Variants in TRPS1 observed in about 807,000 individuals in gnomAD.
TRPS1 encodes the protein transcriptional repressor GATA binding 1, also known as zinc finger transcription factor Trps1.
In TRPS1, 6 loss-of-function variants were observed where a neutral mutation model predicts 101.2. That is an observed-to-expected ratio of 0.06 (90% CI 0.03 to 0.12). The LOEUF is 0.12. TRPS1 is among the 10% of genes least tolerant of loss of function. The probability of loss-of-function intolerance (pLI) is 1.00; values close to 1 mark genes in which losing one functional copy is unlikely to be tolerated. For synonymous variants in TRPS1, 578 were observed against 589.8 expected, an observed-to-expected ratio of 0.98 and a Z score of 0.29; for missense variants, 1,363 against 1,567.0, an observed-to-expected ratio of 0.87 and a Z score of 2.20.
rs775507790 is a variant in TRPS1 at position 115,414,494 on chromosome 8, C to A, written c.3414G>T (p.Pro1138=). 3 of 1,613,698 alleles carry A rather than the reference C, an allele frequency of 1.9e-6. No homozygotes were observed. The highest frequency in any genetic ancestry group is 1.1e-5 in the South Asian group (1 of 91,082). ...GGCCAGGCACGTGACTCAAGTAGTG[C>A]GGATTCCCAGGAACGGAGAGCTTAT... is the stretch of plus-strand genomic sequence containing the variant. The part of the protein sequence containing the change: ...SKYKLSVPGN[P]HYLSHVPGLP... The change falls in exon 7 of 7, where the codon CCG becomes CCT. Residue 1138 remains proline (P), a synonymous_variant. Transcript: ENST00000395715. The surrounding 1 kb of genome is among the most constrained non-coding windows in gnomAD (Gnocchi z 4.8).
chr8:115,557,943 A>G (rs1563601788), intron 5 of TRPS1, among the ~76,000 whole-genome samples: 1 of 152,128 alleles, frequency 6.6e-6, no homozygotes, highest in Admixed American at 6.6e-5. Flanking sequence ...TAAGAGACAC[A>G]AAAACACTAC....
chr8:115,639,684 C>A (rs1482015877), intron 1 of TRPS1, among the ~76,000 whole-genome samples: 1 of 149,038 alleles, frequency 6.7e-6, no homozygotes, highest in Non-Finnish European at 1.5e-5. Context: ...AAAAAATTAA[C>A]CAGGCGTGGT....
At chr8:115,469,617 G>T (rs1814413616) in intron 5 of TRPS1, among the ~76,000 whole-genome samples, 2 of 151,576 alleles carry the variant, frequency 1.3e-5, no homozygotes, top group Admixed American at 1.3e-4. Context: ...TCCTGCCTCA[G>T]CCTCCCAAGT....
At chr8:115,437,274 C>T (rs555790236) in intron 5 of TRPS1, among the ~76,000 whole-genome samples, 2 of 152,278 alleles carry the variant, frequency 1.3e-5, no homozygotes, top group African/African-American at 4.8e-5. Flanking sequence ...CTTTAATGGG[C>T]ACAAAAAGCA....
intron 1 of TRPS1, among the ~76,000 whole-genome samples, chr8:115,657,560 A>T (rs1353032914): frequency 1.3e-5 from 2 of 152,160 alleles, no homozygotes; most frequent in Admixed American, 6.6e-5. Flanking sequence ...AATCTAAAAC[A>T]TACTGATGGT....
intron 3 of TRPS1, among the ~76,000 whole-genome samples, chr8:115,618,923 A>C (rs1214321501): frequency 2.6e-5 from 4 of 152,180 alleles, no homozygotes; most frequent in Non-Finnish European, 4.4e-5. Context: ...AAATGCTAGG[A>C]TTGTTTTCCA....
At chr8:115,535,738 C>CAT (rs1272145868) in intron 5 of TRPS1, among the ~76,000 whole-genome samples, 11 of 150,382 alleles carry the variant, frequency 7.3e-5, no homozygotes, top group South Asian at 2.1e-4. Flanking sequence ...TAAGTTTTTT[C>CAT]ATATATATAT....
chr8:115,537,362 A>C (rs1327731749), intron 5 of TRPS1, among the ~76,000 whole-genome samples: 1 of 152,202 alleles, frequency 6.6e-6, no homozygotes, highest in African/African-American at 2.4e-5. Flanking sequence ...AATGAGAATC[A>C]AATCTTAAAC....
At chr8:115,565,562 T>C (rs1817049605) in intron 5 of TRPS1, among the ~76,000 whole-genome samples, 4 of 151,930 alleles carry the variant, frequency 2.6e-5, no homozygotes, top group Admixed American at 2.6e-4. Context: ...TTGATAAGCG[T>C]GTGCTTTCAT....
In TRPS1 at chr8:115,409,710, G is replaced by A. The variant is rs749702910; in HGVS notation, c.*4313C>T. ...CGTCTTTCTTTGGGAAAATAACAAT[G>A]CCCTCCAAAGTCCCGACGGGCGTCC... On this transcript the variant is annotated 3_prime_UTR_variant, in exon 7 of 7. Transcript: ENST00000395715. 1 of 152,018 alleles carries A rather than the reference G, an allele frequency of 6.6e-6. No homozygotes were observed. The highest frequency in any genetic ancestry group is 1.5e-5 in the Non-Finnish European group (1 of 67,990). 9.4% of individuals were successfully genotyped at this position (152,018 alleles called of 1,614,324 possible).
chr8:115,427,545 T>G (rs1407519714), intron 5 of TRPS1, among the ~76,000 whole-genome samples: 1 of 152,096 alleles, frequency 6.6e-6, no homozygotes, highest in African/African-American at 2.4e-5. Flanking sequence ...AACTGCTGAA[T>G]AGTAGGGCTA....
At chr8:115,560,559 T>G (rs1218874526) in intron 5 of TRPS1, among the ~76,000 whole-genome samples, 1 of 152,166 alleles carries the variant, frequency 6.6e-6, no homozygotes, top group African/African-American at 2.4e-5. Context: ...TGAGAAAAGT[T>G]AAAAGAAACT....
intron 1 of TRPS1, among the ~76,000 whole-genome samples, chr8:115,647,355 A>T (rs1383987720): frequency 6.6e-6 from 1 of 152,202 alleles, no homozygotes; most frequent in Non-Finnish European, 1.5e-5. Context: ...AAGCTTGATG[A>T]TGTAAAGAAG....
chr8:115,505,373 T>C (rs950288927), intron 5 of TRPS1, among the ~76,000 whole-genome samples: 2 of 152,170 alleles, frequency 1.3e-5, no homozygotes, highest in Admixed American at 6.6e-5. Flanking sequence ...ACAGTGGTAA[T>C]ATTTTTAATA....
intron 5 of TRPS1, among the ~76,000 whole-genome samples, chr8:115,500,622 T>C (rs1726156342): frequency 6.6e-6 from 1 of 152,058 alleles, no homozygotes; most frequent in Non-Finnish European, 1.5e-5. Flanking sequence ...CAGGCTGGAG[T>C]ACTGTGCTGT....
chr8:115,578,983 G>A (rs920316659), intron 5 of TRPS1, among the ~76,000 whole-genome samples: 2 of 152,026 alleles, frequency 1.3e-5, no homozygotes, highest in Non-Finnish European at 2.9e-5. Flanking sequence ...TATGAGCAGG[G>A]ACTCTAGAAT....
chr8:115,478,563 G>T (rs1010109521), intron 5 of TRPS1, among the ~76,000 whole-genome samples: 1 of 152,058 alleles, frequency 6.6e-6, no homozygotes, highest in African/African-American at 2.4e-5. Context: ...CAGCACTTTG[G>T]GAGGTCGAGG....
chr8:115,583,347 T>A (rs1178175555), intron 5 of TRPS1, among the ~76,000 whole-genome samples: 1 of 149,112 alleles, frequency 6.7e-6, no homozygotes, highest in Non-Finnish European at 1.5e-5. Context: ...TTAAAATGAT[T>A]AAGAAACATC....
intron 5 of TRPS1, among the ~76,000 whole-genome samples, chr8:115,519,191 A>G (rs1330260136): frequency 1.3e-5 from 2 of 151,752 alleles, no homozygotes; most frequent in Non-Finnish European, 3.0e-5. Flanking sequence ...AAAAGCAAAA[A>G]AGCAAACATG....
Sources: allele counts gnomAD v4.1 joint callset (sites outside exome capture counted in the v4.1 genomes callset), GRCh38; gene constraint gnomAD v4.1.1; non-coding constraint Gnocchi (gnomAD v3.1); transcripts MANE v1.5; gene names NCBI Gene and HGNC (gene_info 2026-07-23, HGNC 2026-07-21).